Variants in CEP63 observed in about 807,000 individuals in gnomAD.
The protein encoded by CEP63 is centrosomal protein 63, also known as centrosomal protein of 63 kDa.
Under a neutral mutation model 89.1 loss-of-function variants are expected in CEP63, and 84 were observed. That is an observed-to-expected ratio of 0.94 (90% CI 0.79 to 1.13). CEP63 has a LOEUF of 1.13. CEP63 is among the 50% of genes most tolerant of loss of function. CEP63 has a pLI of 0.00. For missense variants in CEP63, 838 were observed against 813.3 expected (o/e 1.03, Z -0.37); for synonymous variants, 267 against 272.5 (o/e 0.98, Z 0.20).
intron 1 of CEP63, among the ~76,000 whole-genome samples, chr3:134,487,075 C>T (rs1935804406): frequency 6.6e-6 from 1 of 152,144 alleles, no homozygotes; most frequent in African/African-American, 2.4e-5. Context: ...TCTGGTTAAA[C>T]TTATTAAAAG....
At chr3:134,779,346 A>G in the CEP63 span, among the ~76,000 whole-genome samples, 7 of 152,260 alleles carry the variant, frequency 4.6e-5, no homozygotes, top group Non-Finnish European at 7.4e-5. Context: ...AGAATACACC[A>G]TGATTTATTT....
At chr3:134,609,804 G>A in the CEP63 span, among the ~76,000 whole-genome samples, 1 of 152,212 alleles carries the variant, frequency 6.6e-6, no homozygotes, top group African/African-American at 2.4e-5. Flanking sequence ...GGGCAAAGCA[G>A]TAAGAGATCA....
intron 4 of CEP63, 57 bp downstream of exon 4, chr3:134,531,997 A>G: frequency 1.6e-6 from 2 of 1,268,012 alleles, no homozygotes; most frequent in South Asian, 2.5e-5. Context: ...TTCACCCTTG[A>G]GAACTTTGTT....
At chr3:134,637,378 T>C in the CEP63 span, among the ~76,000 whole-genome samples, 1 of 152,168 alleles carries the variant, frequency 6.6e-6, no homozygotes, top group Non-Finnish European at 1.5e-5. Context: ...TTAAAGTGAG[T>C]GCTAAGTGGT....
At chr3:134,627,675 C>A in the CEP63 span, 2 of 1,287,808 alleles carry the variant, frequency 1.6e-6, no homozygotes, top group Non-Finnish European at 1.1e-6. Flanking sequence ...GCCCAGGAAG[C>A]AACTGTCAAT....
intron 9 of CEP63, among the ~76,000 whole-genome samples, chr3:134,548,445 C>A (rs1043895980): frequency 6.6e-6 from 1 of 152,102 alleles, no homozygotes; most frequent in Non-Finnish European, 1.5e-5. Flanking sequence ...CATTGTCGTA[C>A]TTATAGAATT....
At chr3:134,687,564 C>T in the CEP63 span, among the ~76,000 whole-genome samples, 1 of 152,254 alleles carries the variant, frequency 6.6e-6, no homozygotes, top group East Asian at 1.9e-4. Flanking sequence ...CAGATGAGAC[C>T]TTGGATGTGT....
the CEP63 span, chr3:134,607,293 T>C: frequency 3.0e-6 from 3 of 985,502 alleles, no homozygotes; most frequent in Non-Finnish European, 2.4e-6. Context: ...GCTCAGCAAC[T>C]TGGCAAAGGA....
At chr3:134,754,328 T>A in the CEP63 span, among the ~76,000 whole-genome samples, 1 of 152,142 alleles carries the variant, frequency 6.6e-6, no homozygotes, top group Admixed American at 6.5e-5. Flanking sequence ...GCTGCCCATA[T>A]TCGCCCGCCA....
the CEP63 span, among the ~76,000 whole-genome samples, chr3:134,779,117 A>G: frequency 1.3e-5 from 2 of 152,210 alleles, no homozygotes; most frequent in African/African-American, 4.8e-5. Flanking sequence ...CTGTTGTGTG[A>G]AAAATTTTAT....
chr3:134,736,231 C>T, the CEP63 span, among the ~76,000 whole-genome samples: 1 of 152,062 alleles, frequency 6.6e-6, no homozygotes, highest in Non-Finnish European at 1.5e-5. Flanking sequence ...ATGTTCAAAA[C>T]ACCTGTTGGA....
the CEP63 span, among the ~76,000 whole-genome samples, chr3:134,646,978 T>A: frequency 6.6e-6 from 1 of 152,210 alleles, no homozygotes; most frequent in African/African-American, 2.4e-5. Context: ...AGCTGACTTC[T>A]TATTGTATTT....
the CEP63 span, among the ~76,000 whole-genome samples, chr3:134,625,445 A>G: frequency 6.6e-6 from 1 of 152,250 alleles, no homozygotes; most frequent in Non-Finnish European, 1.5e-5. Flanking sequence ...GTTCCCAGAC[A>G]TATTGATGAT....
intron 3 of CEP63, among the ~76,000 whole-genome samples, chr3:134,509,867 T>C (rs1944423334): frequency 6.6e-6 from 1 of 152,306 alleles, no homozygotes; most frequent in Middle Eastern, 3.4e-3. Flanking sequence ...ATAAATCTAA[T>C]ATGTATTTAT....
At chr3:134,624,805 G>C in the CEP63 span, among the ~76,000 whole-genome samples, 3 of 152,200 alleles carry the variant, frequency 2.0e-5, no homozygotes, top group Admixed American at 1.3e-4. Flanking sequence ...AGAGCTCCAG[G>C]GTGTGTTGTA....
intron 4 of CEP63, among the ~76,000 whole-genome samples, chr3:134,532,321 G>A (rs1477617327): frequency 6.6e-6 from 1 of 152,150 alleles, no homozygotes; most frequent in African/African-American, 2.4e-5. Flanking sequence ...AATAAGACAA[G>A]TAAGAAAATT....
the CEP63 span, among the ~76,000 whole-genome samples, chr3:134,696,001 C>G: frequency 2.6e-5 from 4 of 152,210 alleles, no homozygotes; most frequent in Non-Finnish European, 5.9e-5. Flanking sequence ...CCGGGCTTTT[C>G]ACCACCCTGG....
the CEP63 span, among the ~76,000 whole-genome samples, chr3:134,743,027 C>T: frequency 1.3e-5 from 2 of 152,334 alleles, no homozygotes; most frequent in Admixed American, 6.5e-5. Flanking sequence ...TTCTAGAATA[C>T]TTTAGCCTAG....
At chr3:134,545,855 GTGTA>G in intron 7 of CEP63, 36 bp downstream of exon 7, 1 of 1,441,980 alleles carries the variant, frequency 6.9e-7, no homozygotes, top group Non-Finnish European at 9.6e-7. Context: ...GGGGAAGTGT[GTGTA>G]TGAGTATTTT....
Sources: allele counts gnomAD v4.1 joint callset (sites outside exome capture counted in the v4.1 genomes callset), GRCh38; gene constraint gnomAD v4.1.1; transcripts MANE v1.5; gene names NCBI Gene and HGNC (gene_info 2026-07-23, HGNC 2026-07-21).